Variants in NIBAN1 observed in about 807,000 individuals in gnomAD.
The protein encoded by NIBAN1 is protein Niban 1.
In NIBAN1, 81 loss-of-function variants were observed where a neutral mutation model predicts 75.1. The ratio of observed to expected loss-of-function variants is 1.08; its 90% CI spans 0.90 to 1.30. NIBAN1 has a LOEUF of 1.30. Among genes scored for constraint, NIBAN1 ranks in the 50% most tolerant of loss-of-function variants. The probability of loss-of-function intolerance (pLI) is 0.00; values close to 1 mark genes in which losing one functional copy is unlikely to be tolerated. For missense variants in NIBAN1, 1,133 were observed against 1,128.1 expected (o/e 1.00, Z -0.06); for synonymous variants, 436 against 424.8 (o/e 1.03, Z -0.32).
At chr1:184,972,585 G>A (rs569385679) in intron 1 of NIBAN1, among the ~76,000 whole-genome samples, 18 of 152,260 alleles carry the variant, frequency 1.2e-4, no homozygotes, top group Non-Finnish European at 2.6e-4. Context: ...CCTGAATATA[G>A]AATGAAGAGA....
At chr1:184,830,500 A>G (rs1023112830) in intron 6 of NIBAN1, among the ~76,000 whole-genome samples, 5 of 152,228 alleles carry the variant, frequency 3.3e-5, no homozygotes, top group African/African-American at 1.2e-4. Flanking sequence ...ACAGAAAAAA[A>G]AAGAGAGAGA....
At chr1:184,935,247 G>A (rs1471900041) in intron 1 of NIBAN1, among the ~76,000 whole-genome samples, 1 of 152,110 alleles carries the variant, frequency 6.6e-6, no homozygotes, top group African/African-American at 2.4e-5. Context: ...GGGAATCGTG[G>A]TTCACCCAGC....
chr1:184,969,313 G>A (rs1407933263), intron 1 of NIBAN1, among the ~76,000 whole-genome samples: 9 of 152,138 alleles, frequency 5.9e-5, no homozygotes, highest in Non-Finnish European at 1.2e-4. Context: ...CAGGGCTCTA[G>A]CTTCTTTTCT....
chr1:184,914,154 T>C (rs1399786997), intron 1 of NIBAN1, among the ~76,000 whole-genome samples: 1 of 152,222 alleles, frequency 6.6e-6, no homozygotes, highest in Non-Finnish European at 1.5e-5. Flanking sequence ...TGGCACAAGA[T>C]TCTACTTCAG....
At chr1:184,826,885 GT>G (rs1180325795) in intron 6 of NIBAN1, among the ~76,000 whole-genome samples, 2 of 152,078 alleles carry the variant, frequency 1.3e-5, no homozygotes, top group African/African-American at 4.8e-5. Flanking sequence ...GTTTGGCTGT[GT>G]CCCCACCTAA....
chr1:184,857,336 C>A (rs1655706075), intron 5 of NIBAN1, among the ~76,000 whole-genome samples: 1 of 152,132 alleles, frequency 6.6e-6, no homozygotes, highest in African/African-American at 2.4e-5. Flanking sequence ...CTAATGGCAG[C>A]CTTGAGCTTA....
intron 1 of NIBAN1, among the ~76,000 whole-genome samples, chr1:184,969,870 G>C (rs956556152): frequency 2.0e-5 from 3 of 151,854 alleles, no homozygotes; most frequent in African/African-American, 7.3e-5. Context: ...AGTTCTGTTA[G>C]AAAAAGGAAT....
chr1:184,927,262 C>T (rs189176256), intron 1 of NIBAN1, among the ~76,000 whole-genome samples: 1 of 152,206 alleles, frequency 6.6e-6, no homozygotes, highest in Admixed American at 6.5e-5. Flanking sequence ...TATTTATTGT[C>T]ATGTTCTCAG....
intron 5 of NIBAN1, among the ~76,000 whole-genome samples, chr1:184,853,295 T>C (rs1655592923): frequency 1.3e-5 from 2 of 152,174 alleles, no homozygotes; most frequent in South Asian, 4.1e-4. Context: ...ACCAGAAATT[T>C]TTCTTTCATA....
In NIBAN1 at chr1:184,845,609, G is replaced by C. The variant is rs1655417315; in HGVS notation, c.602-13647C>G. ...CCCGTCTCTACAAAAATTTTAAAAAGGGAATGTGGAGCCAAGATGGCCGAA... is the reference window on the plus strand; with the variant it reads ...CCCGTCTCTACAAAAATTTTAAAAACGGAATGTGGAGCCAAGATGGCCGAA... On this transcript the variant is annotated intron_variant, in intron 5 of 13. Transcript: ENST00000367511. Among the ~76,000 whole-genome samples the C allele has an allele frequency of 2.0e-5, 2 of 98,496 alleles. 1 individual carries two copies. Among genetic ancestry groups the C allele is most frequent in the African/African-American group, 9.1e-5 (2 of 21,892 alleles). The allele number at this position is 98,496 out of a possible 152,430, so 64.6% of individuals were successfully genotyped here.
intron 1 of NIBAN1, among the ~76,000 whole-genome samples, chr1:184,906,972 G>A (rs749867042): frequency 1.7e-4 from 26 of 152,046 alleles, no homozygotes; most frequent in Middle Eastern, 3.2e-3. Flanking sequence ...ATTATGCCTC[G>A]TTCCCCCAAC....
intron 6 of NIBAN1, among the ~76,000 whole-genome samples, chr1:184,825,051 A>G (rs1654807506): frequency 6.6e-6 from 1 of 152,244 alleles, no homozygotes. Flanking sequence ...AAAATTAATT[A>G]GCAGTCAGGT....
At chr1:184,956,214 A>G (rs1658488206) in intron 1 of NIBAN1, among the ~76,000 whole-genome samples, 1 of 151,760 alleles carries the variant, frequency 6.6e-6, no homozygotes, top group African/African-American at 2.4e-5. Context: ...TTTTGTAGAG[A>G]CGAGGTCTCA....
At chr1:184,917,720 C>T (rs1414406266) in intron 1 of NIBAN1, among the ~76,000 whole-genome samples, 3 of 152,030 alleles carry the variant, frequency 2.0e-5, no homozygotes, top group Non-Finnish European at 4.4e-5. Flanking sequence ...CAATATTTTT[C>T]GTCCAAACTC....
intron 13 of NIBAN1, among the ~76,000 whole-genome samples, chr1:184,797,066 T>C (rs1420113261): frequency 2.0e-5 from 3 of 151,890 alleles, no homozygotes; most frequent in African/African-American, 7.3e-5. Flanking sequence ...AGGTCTTTTG[T>C]GATACTCAAG....
chr1:184,893,063 C>T (rs1454564392), intron 3 of NIBAN1, among the ~76,000 whole-genome samples: 2 of 152,162 alleles, frequency 1.3e-5, no homozygotes, highest in Non-Finnish European at 2.9e-5. Context: ...TGAGCTACTG[C>T]ACCTCGCCAT....
intron 12 of NIBAN1, among the ~76,000 whole-genome samples, chr1:184,801,635 C>T (rs1356412889): frequency 1.3e-5 from 2 of 152,190 alleles, no homozygotes; most frequent in African/African-American, 4.8e-5. Flanking sequence ...CCTTGGAACT[C>T]TTCCCCATGA....
chr1:184,884,708 A>C lies in NIBAN1; in HGVS notation c.526T>G (p.Phe176Val), dbSNP rs764033831. 5 of 1,614,224 alleles carry C rather than the reference A, an allele frequency of 3.1e-6. No homozygotes were observed. The change falls in exon 5 of 14, where the codon TTC becomes GTC. Residue 176 changes from phenylalanine (F) to valine (V), a missense_variant. Coordinates refer to ENST00000367511, the MANE Select transcript of NIBAN1 (RefSeq NM_052966.4). The stretch of plus-strand genomic sequence containing the variant: ...TGGTCAGCAGCCTCGTGGAAGCAGA[A>C]GTAGCCGTGTCTGAAGAAGGGCTGC... ...LWQPFFRHGY[F>V]CFHEAADQKR...
intron 1 of NIBAN1, among the ~76,000 whole-genome samples, chr1:184,900,268 C>T (rs530525427): frequency 4.6e-5 from 7 of 152,186 alleles, no homozygotes; most frequent in South Asian, 4.2e-4. Flanking sequence ...ATAACCACCA[C>T]GAGACAGAGG....
Sources: allele counts gnomAD v4.1 joint callset (sites outside exome capture counted in the v4.1 genomes callset), GRCh38; gene constraint gnomAD v4.1.1; transcripts MANE v1.5; gene names NCBI Gene and HGNC (gene_info 2026-07-23, HGNC 2026-07-21).